ZNF528: variants seen among roughly 807,000 people sequenced by gnomAD.
ZNF528 encodes the protein zinc finger protein 528.
In ZNF528, 9 loss-of-function variants were observed where a neutral mutation model predicts 13.3. The ratio of observed to expected loss-of-function variants is 0.67; its 90% CI spans 0.41 to 1.18. The LOEUF (loss-of-function observed/expected upper bound fraction) is 1.18. ZNF528 is among the 50% of genes most tolerant of loss of function. ZNF528 has a pLI of 0.01. For synonymous variants in ZNF528, 264 were observed against 254.3 expected (o/e 1.04, Z -0.36); for missense variants, 858 against 745.4 (o/e 1.15, Z -1.76).
chr19:52,413,115 A>G (rs2058952204), intron 6 of ZNF528: 1 of 152,208 alleles, frequency 6.6e-6, no homozygotes, highest in Non-Finnish European at 1.5e-5. Flanking sequence ...ATGATATGCA[A>G]AAAGGATTGT....
rs371522231 is a variant in ZNF528 at position 52,407,373 on chromosome 19, C to G, written c.271+730C>G. ...CAGGCTAGTGTTGAACTCCTGGGCTCAAGTAGTCTGCCTGCCTCAGCTTCC... is the reference window on the plus strand; with the variant it reads ...CAGGCTAGTGTTGAACTCCTGGGCTGAAGTAGTCTGCCTGCCTCAGCTTCC... On this transcript the variant is annotated intron_variant, in intron 6 of 6. Coordinates refer to ENST00000360465, the MANE Select transcript of ZNF528 (RefSeq NM_032423.3). Among the ~76,000 whole-genome samples, 19 of 152,278 alleles carry G rather than the reference C, an allele frequency of 1.2e-4. No individual in the cohort carries two copies. In the East Asian group the frequency reaches 3.1e-3, roughly 25 times the overall value.
At chr19:52,409,959 C>G (rs1359747910) in intron 6 of ZNF528, among the ~76,000 whole-genome samples, 1 of 152,200 alleles carries the variant, frequency 6.6e-6, no homozygotes, top group Non-Finnish European at 1.5e-5. Context: ...AGGTGATCCG[C>G]TCACCTTGGC....
chr19:52,414,212 C>A, intron 6 of ZNF528: 1 of 702,522 alleles, frequency 1.4e-6, no homozygotes, highest in Non-Finnish European at 2.6e-6. Flanking sequence ...AGTTCCTCTA[C>A]TCCAGCAGAA....
At position 52,402,768 on chromosome 19, in the gene ZNF528, G is replaced by T. The variant is rs12462742; in HGVS notation, c.15+740G>T. On this transcript the variant is annotated intron_variant, in intron 4 of 6. Coordinates refer to ENST00000360465, the MANE Select transcript of ZNF528 (RefSeq NM_032423.3). ...TCTTTGCCCTTAATATGTTAAATTAGTACATTAATTTCCTGTAACATATCA... is the reference window on the plus strand; with the variant it reads ...TCTTTGCCCTTAATATGTTAAATTATTACATTAATTTCCTGTAACATATCA... 1.2e-4 allele frequency among the ~76,000 whole-genome samples: 19 copies of T among 152,264 alleles called. No homozygotes were observed. The South Asian group carries it at 2.7e-3, about 22-fold the overall frequency.
At chr19:52,414,844 C>G (rs1177046817) in intron 6 of ZNF528, 1 of 976,118 alleles carries the variant, frequency 1.0e-6, no homozygotes, top group Admixed American at 2.2e-5. Flanking sequence ...CTAAGAGGCT[C>G]ATCCCTGCTT....
chr19:52,403,457 T>C (rs893390737), intron 4 of ZNF528, among the ~76,000 whole-genome samples: 2 of 151,996 alleles, frequency 1.3e-5, no homozygotes, highest in African/African-American at 4.8e-5. Context: ...GGTCAGGAGT[T>C]TGAAACCAGC....
intron 6 of ZNF528, chr19:52,411,259 C>T (rs1029177455): frequency 2.0e-5 from 3 of 152,108 alleles, no homozygotes; most frequent in African/African-American, 7.2e-5. Context: ...TAGCAAGAAA[C>T]AGGTTCTCTA....
Position 52,415,361 on chromosome 19 carries a change from C to T in ZNF528, c.509C>T (p.Ala170Val), listed in dbSNP as rs1308374456. The change falls in exon 7 of 7, where the codon GCT becomes GTT. Residue 170 changes from alanine (A) to valine (V), a missense_variant. By Grantham distance (64) the Ala-to-Val change is moderately conservative. Transcript: ENST00000360465. ...LNKYRNNFDH[A>V]PLLPQEQKAH... ...AAATATAGAAATAATTTTGATCATG[C>T]TCCATTACTTCCACAAGAACAGAAA... 3 of 1,613,268 alleles carry T rather than the reference C, an allele frequency of 1.9e-6. No individual in the cohort carries two copies. The East Asian group carries it at 6.7e-5, about 36-fold the overall frequency.
chr19:52,406,765 G>A, intron 6 of ZNF528, 122 bp downstream of exon 6: 1 of 1,286,462 alleles, frequency 7.8e-7, no homozygotes, highest in Non-Finnish European at 1.0e-6. Context: ...TTGAATTCCT[G>A]GACTTAAGGG....
At chr19:52,400,227 A>AACACACACACACACACACAC (rs56136198) in intron 2 of ZNF528, among the ~76,000 whole-genome samples, 41 of 144,714 alleles carry the variant, frequency 2.8e-4, no homozygotes, top group Admixed American at 6.2e-4. Context: ...TGCCCATTAA[A>AACACACACACACACACACAC]ACACACACAC....
chr19:52,399,135 C>A (rs1300500742), intron 2 of ZNF528, among the ~76,000 whole-genome samples: 1 of 151,006 alleles, frequency 6.6e-6, no homozygotes, highest in Non-Finnish European at 1.5e-5. Context: ...TGAACAGAAT[C>A]CTAGGGGAAA....
rs186687880 is a variant in ZNF528, at chr19:52,401,827, A to C, written c.-68+74A>C. ...TGCTCAGTTAGGATAAATCAGACCT[A>C]TGTAGAAAGTCAAAGTTTGAGGATT... On this transcript the variant is annotated intron_variant, in intron 3 of 6. Transcript: ENST00000360465. 103 of 1,522,830 alleles carry C rather than the reference A, an allele frequency of 6.8e-5. No individual in the cohort carries two copies. The East Asian group carries it at 2.3e-3, about 34-fold the overall frequency. The allele number at this position is 1,522,830 out of a possible 1,614,324, so 94.3% of individuals were successfully genotyped here.
intron 6 of ZNF528, chr19:52,414,654 A>C: frequency 5.3e-6 from 2 of 379,438 alleles, no homozygotes; most frequent in South Asian, 2.4e-5. Flanking sequence ...TCCTGCATTC[A>C]TGATAGTTTG....
intron 6 of ZNF528, 27 bp downstream of exon 6, chr19:52,406,670 G>A: frequency 6.3e-7 from 1 of 1,587,818 alleles, no homozygotes; most frequent in Non-Finnish European, 8.5e-7. Flanking sequence ...GCAGAGTGGA[G>A]GCCCCATAAT....
rs935566680 is a variant in ZNF528, at chr19:52,406,656, G to A, written c.271+13G>A. The A allele has an allele frequency of 3.1e-6, 5 of 1,600,954 alleles. No individual in the cohort carries two copies. The highest frequency in any genetic ancestry group is 4.3e-6 in the Non-Finnish European group (5 of 1,175,974). ...GGTGTGAACACAGGTGAGAGCTCGG[G>A]TGGGCAGAGTGGAGGCCCCATAATT... On this transcript the variant is annotated intron_variant, in intron 6 of 6. Coordinates refer to ENST00000360465, the MANE Select transcript of ZNF528 (RefSeq NM_032423.3).
chr19:52,415,743 C>T lies in ZNF528; in HGVS notation c.891C>T (p.Tyr297=), dbSNP rs754869764. 3 of 1,614,090 alleles carry T rather than the reference C, an allele frequency of 1.9e-6. No homozygotes were observed. Among genetic ancestry groups the T allele is most frequent in the Non-Finnish European group, 2.5e-6 (3 of 1,180,026 alleles). The change falls in exon 7 of 7, where the codon TAC becomes TAT. Residue 297 remains tyrosine (Y), a synonymous_variant. Transcript: ENST00000360465. ...HQRIHTGEKP[Y]KCHECDKVFN... ...GAATTCATACTGGAGAGAAGCCTTACAAATGTCATGAATGTGACAAGGTCT... is the reference window on the plus strand; with the variant it reads ...GAATTCATACTGGAGAGAAGCCTTATAAATGTCATGAATGTGACAAGGTCT...
Position 52,404,141 on chromosome 19 carries a change from T to C in ZNF528, c.16-1766T>C, listed in dbSNP as rs867221866. 2.6e-5 allele frequency among the ~76,000 whole-genome samples: 4 copies of C among 152,216 alleles called. No homozygotes were observed. The South Asian group carries it at 6.2e-4, about 24-fold the overall frequency. The stretch of plus-strand genomic sequence containing the variant: ...CTGGGATCCCATGCTTACACTGCCA[T>C]TGTTAGTCCTGACACCTGGGGCGAG... On this transcript the variant is annotated intron_variant, in intron 4 of 6. Transcript: ENST00000360465.
chr19:52,403,953 A>G (rs1288173997), intron 4 of ZNF528, among the ~76,000 whole-genome samples: 1 of 140,324 alleles, frequency 7.1e-6, no homozygotes, highest in African/African-American at 2.5e-5. Context: ...GACATATAAT[A>G]TATTATATAT....
chr19:52,403,659 CAAAAAA>C (rs398035018), intron 4 of ZNF528, among the ~76,000 whole-genome samples: 30 of 84,978 alleles, frequency 3.5e-4, no homozygotes, highest in Non-Finnish European at 4.4e-4. Flanking sequence ...GACTCCATCT[CAAAAAA>C]AAAAAAAAAA....
Sources: gnomAD v4.1 joint callset for allele counts (sites outside exome capture counted in the v4.1 genomes callset) on GRCh38, gnomAD v4.1.1 for gene constraint, MANE v1.5 for transcripts, NCBI Gene and HGNC (gene_info 2026-07-23, HGNC 2026-07-21) for gene names.